PAPPA2: variants seen among roughly 807,000 people sequenced by gnomAD.
PAPPA2 encodes pappalysin-2.
In PAPPA2, 86 loss-of-function variants were observed where a neutral mutation model predicts 176.4. That is an observed-to-expected ratio of 0.49 (90% CI 0.41 to 0.58). The LOEUF (loss-of-function observed/expected upper bound fraction) is 0.58, where lower values mean the gene tolerates loss of function less well. Among genes scored for constraint, PAPPA2 ranks in the 20% least tolerant of loss-of-function variants. The probability of loss-of-function intolerance (pLI) is 0.00; values close to 1 mark genes in which losing one functional copy is unlikely to be tolerated. For missense variants in PAPPA2, 2,073 were observed against 2,256.9 expected, an observed-to-expected ratio of 0.92 and a Z score of 1.65; for synonymous variants, 809 against 852.2, an observed-to-expected ratio of 0.95 and a Z score of 0.88.
chr1:176,814,392 G>A (rs1410495336), intron 21 of PAPPA2, among the ~76,000 whole-genome samples: 2 of 152,082 alleles, frequency 1.3e-5, no homozygotes, highest in Non-Finnish European at 2.9e-5. Flanking sequence ...CCATTTTCAC[G>A]ATATTGATTC....
At chr1:176,466,227 G>T (rs886317228) in intron 1 of PAPPA2, among the ~76,000 whole-genome samples, 3 of 152,152 alleles carry the variant, frequency 2.0e-5, no homozygotes, top group Non-Finnish European at 4.4e-5. Context: ...TGAAATTCCT[G>T]TAATTGGAAA....
chr1:176,498,751 C>CACAAAAAAAAAAAAAA (rs762510082), intron 1 of PAPPA2, among the ~76,000 whole-genome samples: 34 of 112,118 alleles, frequency 3.0e-4, no homozygotes, highest in South Asian at 1.2e-3. Flanking sequence ...CTCTTACCTC[C>CACAAAAAAAAAAAAAA]AAAAAAAAAA....
At chr1:176,478,860 C>A (rs912601637) in intron 1 of PAPPA2, among the ~76,000 whole-genome samples, 3 of 152,170 alleles carry the variant, frequency 2.0e-5, no homozygotes, top group South Asian at 2.1e-4. Flanking sequence ...ATTATAAGTA[C>A]ACATATTTAT....
At chr1:176,817,524 T>C (rs1311746686) in intron 21 of PAPPA2, among the ~76,000 whole-genome samples, 4 of 151,968 alleles carry the variant, frequency 2.6e-5, no homozygotes, top group African/African-American at 9.7e-5. Flanking sequence ...AGCAGAATGG[T>C]TAGGAGACGG....
At chr1:176,689,161 G>A (rs1438858783) in intron 4 of PAPPA2, among the ~76,000 whole-genome samples, 2 of 152,170 alleles carry the variant, frequency 1.3e-5, no homozygotes, top group Non-Finnish European at 2.9e-5. Flanking sequence ...GCCTGGCCCT[G>A]ACAATTTTGG....
At chr1:176,519,032 A>G (rs545323730) in intron 1 of PAPPA2, among the ~76,000 whole-genome samples, 2 of 152,358 alleles carry the variant, frequency 1.3e-5, no homozygotes, top group Admixed American at 6.5e-5. Flanking sequence ...AGACATACTA[A>G]TATAATTTAT....
intron 17 of PAPPA2, among the ~76,000 whole-genome samples, chr1:176,779,839 C>T (rs1213528514): frequency 1.3e-5 from 2 of 152,170 alleles, no homozygotes; most frequent in Non-Finnish European, 2.9e-5. Flanking sequence ...CACATTCTTC[C>T]TGATGGGAAT....
At chr1:176,769,908 C>A in intron 16 of PAPPA2, 124 bp downstream of exon 16, 1 of 1,082,046 alleles carries the variant, frequency 9.2e-7, no homozygotes, top group South Asian at 1.7e-5. Flanking sequence ...TCACCATCTT[C>A]TGATAACTCC....
intron 3 of PAPPA2, among the ~76,000 whole-genome samples, chr1:176,612,352 C>G (rs1654977856): frequency 6.6e-6 from 1 of 152,160 alleles, no homozygotes; most frequent in African/African-American, 2.4e-5. Flanking sequence ...TGAGATTCTA[C>G]CTCTGCACTC....
chr1:176,762,865 C>T (rs923492398), intron 14 of PAPPA2, among the ~76,000 whole-genome samples: 5 of 152,186 alleles, frequency 3.3e-5, no homozygotes, highest in African/African-American at 7.2e-5. Context: ...GATACTTCAT[C>T]ATCTCAGGAA....
intron 20 of PAPPA2, among the ~76,000 whole-genome samples, chr1:176,799,099 C>T (rs1042536446): frequency 1.3e-5 from 2 of 152,106 alleles, no homozygotes; most frequent in Non-Finnish European, 2.9e-5. Flanking sequence ...TCTTTTTCTT[C>T]TGAGTGCATG....
chr1:176,599,461 C>A (rs764956844), intron 3 of PAPPA2, among the ~76,000 whole-genome samples: 3 of 148,168 alleles, frequency 2.0e-5, no homozygotes, highest in Non-Finnish European at 4.5e-5. Context: ...ACTGAACTTA[C>A]TCTTTTTCTC....
intron 1 of PAPPA2, among the ~76,000 whole-genome samples, chr1:176,498,398 T>C (rs569636361): frequency 2.6e-5 from 4 of 152,266 alleles, no homozygotes; most frequent in East Asian, 3.9e-4. Context: ...CAGATTTTCT[T>C]TTCTGTGATT....
intron 21 of PAPPA2, among the ~76,000 whole-genome samples, chr1:176,835,985 G>A (rs1667259122): frequency 6.6e-6 from 1 of 152,074 alleles, no homozygotes; most frequent in African/African-American, 2.4e-5. Flanking sequence ...AGGATATGTG[G>A]GCACAATAAG....
intron 1 of PAPPA2, among the ~76,000 whole-genome samples, chr1:176,523,178 T>A (rs1649298058): frequency 6.6e-6 from 1 of 152,180 alleles, no homozygotes; most frequent in South Asian, 2.1e-4. Flanking sequence ...GCTGATGAGT[T>A]CTAGCATCTT....
chr1:176,659,974 T>G (rs908368111), intron 3 of PAPPA2, among the ~76,000 whole-genome samples: 1 of 152,112 alleles, frequency 6.6e-6, no homozygotes, highest in Non-Finnish European at 1.5e-5. Context: ...TGAAATCAAA[T>G]TTCAAATATT....
chr1:176,525,904 C>T (rs919164689), intron 1 of PAPPA2, among the ~76,000 whole-genome samples: 3 of 152,146 alleles, frequency 2.0e-5, no homozygotes, highest in Non-Finnish European at 4.4e-5. Context: ...TGAACCAGTT[C>T]TAGTTTTAGG....
At chr1:176,475,028 C>A (rs1652048408) in intron 1 of PAPPA2, among the ~76,000 whole-genome samples, 1 of 152,036 alleles carries the variant, frequency 6.6e-6, no homozygotes, top group South Asian at 2.1e-4. Flanking sequence ...AAGTGGTGGT[C>A]ATTGTTGGTT....
intron 3 of PAPPA2, among the ~76,000 whole-genome samples, chr1:176,656,475 T>C (rs778550618): frequency 6.6e-6 from 1 of 151,840 alleles, no homozygotes; most frequent in Non-Finnish European, 1.5e-5. Context: ...AAACACTCTA[T>C]GATGATAAGC....
Sources: allele counts gnomAD v4.1 joint callset (sites outside exome capture counted in the v4.1 genomes callset), GRCh38; gene constraint gnomAD v4.1.1; transcripts MANE v1.5; gene names NCBI Gene and HGNC (gene_info 2026-07-23, HGNC 2026-07-21).